The following AHR variants were observed in gnomAD, a reference collection of about 807,000 sequenced individuals.
The protein encoded by AHR is aryl hydrocarbon receptor, also known as AH-receptor.
A neutral mutation model predicts 86.8 loss-of-function variants in AHR; 40 were observed. The observed-to-expected ratio is 0.46, with a 90% CI of 0.36 to 0.60. The LOEUF is 0.60. AHR is among the 20% of genes least tolerant of loss of function. AHR has a pLI of 0.00. For missense variants in AHR, 1,001 were observed against 1,011.6 expected (o/e 0.99, Z 0.14); for synonymous variants, 398 against 354.9 (o/e 1.12, Z -1.37).
At chr7:17,331,002 C>A in intron 6 of AHR, 116 bp downstream of exon 6, 1 of 1,145,178 alleles carries the variant, frequency 8.7e-7, no homozygotes, top group Non-Finnish European at 1.2e-6. Flanking sequence ...TCAGGCAACC[C>A]TCAGAACCAG....
chr7:17,319,380 G>A (rs1008426151), intron 2 of AHR, among the ~76,000 whole-genome samples: 2 of 152,128 alleles, frequency 1.3e-5, no homozygotes, highest in African/African-American at 2.4e-5. Flanking sequence ...CAAAGTGGGC[G>A]GTGGCTAATA....
At chr7:17,321,594 T>TACACACACACACACAC (rs71309046) in intron 2 of AHR, among the ~76,000 whole-genome samples, 11 of 147,728 alleles carry the variant, frequency 7.4e-5, no homozygotes, top group East Asian at 3.9e-4. Flanking sequence ...ACCACACACA[T>TACACACACACACACAC]ACACACACAC....
At chr7:17,324,403 G>A (rs1455589578) in intron 3 of AHR, among the ~76,000 whole-genome samples, 1 of 152,312 alleles carries the variant, frequency 6.6e-6, no homozygotes, top group East Asian at 1.9e-4. Flanking sequence ...TACCACTACA[G>A]TGTGAAAGGT....
chr7:17,329,334 G>A (rs1782261528), intron 4 of AHR, among the ~76,000 whole-genome samples: 2 of 151,834 alleles, frequency 1.3e-5, no homozygotes, highest in South Asian at 4.1e-4. Flanking sequence ...GCACACACCT[G>A]TGACAGATGG....
intron 1 of AHR, among the ~76,000 whole-genome samples, chr7:17,300,108 C>G (rs1393496733): frequency 1.3e-5 from 2 of 152,054 alleles, no homozygotes; most frequent in Admixed American, 6.5e-5. Flanking sequence ...AATTCTTTTC[C>G]CCTTCAAAGT....
chr7:17,337,473 T>C (rs942181329), intron 9 of AHR, among the ~76,000 whole-genome samples: 4 of 151,286 alleles, frequency 2.6e-5, no homozygotes, highest in Non-Finnish European at 2.9e-5. Context: ...TTTACATCTT[T>C]CTGTTTTTTT....
rs369645385 is a variant in AHR, at chr7:17,310,142, A to G, written c.253+19A>G. On this transcript the variant is annotated intron_variant, in intron 2 of 10. Coordinates refer to ENST00000242057, the MANE Select transcript of AHR (RefSeq NM_001621.5). ...TTTGATGGTAAGACAGAAGGGTTTAATTTGTCTACAATAACGTATAAAAAA... is the reference window on the plus strand; with the variant it reads ...TTTGATGGTAAGACAGAAGGGTTTAGTTTGTCTACAATAACGTATAAAAAA... 8 of 1,600,444 alleles carry G rather than the reference A, an allele frequency of 5.0e-6. No individual in the cohort carries two copies. The African/African-American group carries it at 5.4e-5, about 11-fold the overall frequency.
At chr7:17,329,797 G>GTTC in intron 4 of AHR, 155 bp from the exon 5 acceptor site, 1 of 612,096 alleles carries the variant, frequency 1.6e-6, no homozygotes, top group Non-Finnish European at 2.6e-6. Context: ...TCTACCTTAG[G>GTTC]TTCTATCTTA....
Position 17,339,871 on chromosome 7 carries a change from T to C in AHR, c.2046T>C (p.Ser682=). Residue 682 remains serine, a synonymous_variant, in exon 10 of 11, where the codon AGT becomes AGC. Coordinates refer to ENST00000242057, the MANE Select transcript of AHR (RefSeq NM_001621.5). ...TCTTTACAGACTTACATGGGATCAG[T>C]CAAGAGTTCCCCTACAAATCTGAAA... ...YNVFTDLHGI[S]QEFPYKSEMD... 1 of 1,614,184 alleles carries C rather than the reference T, an allele frequency of 6.2e-7. No homozygotes were observed. Among genetic ancestry groups the C allele is most frequent in the Non-Finnish European group, 8.5e-7 (1 of 1,180,018 alleles).
rs1357658781 is a variant in AHR, at chr7:17,345,884, T to TG, written c.*2820_*2821insG. 2 of 152,096 alleles carry TG rather than the reference T, an allele frequency of 1.3e-5. No homozygotes were observed. Among genetic ancestry groups the TG allele is most frequent in the African/African-American group, 2.4e-5 (1 of 41,288 alleles). The allele number at this position is 152,096 out of a possible 1,614,324, so 9.4% of individuals were successfully genotyped here. ...ATCTAAGGATATGGATGTGTCTAAT[T>TG]TAGTCTTTTCCTGTACCAGGTTTTT... On this transcript the variant is annotated 3_prime_UTR_variant, in exon 11 of 11. Transcript: ENST00000242057.
At chr7:17,313,544 C>G (rs1382626577) in intron 2 of AHR, among the ~76,000 whole-genome samples, 1 of 152,084 alleles carries the variant, frequency 6.6e-6, no homozygotes, top group Non-Finnish European at 1.5e-5. Flanking sequence ...GATGGATCTT[C>G]TTAAAGTTTG....
intron 1 of AHR, among the ~76,000 whole-genome samples, chr7:17,302,357 TA>T (rs1208486033): frequency 3.3e-5 from 5 of 152,018 alleles, no homozygotes; most frequent in Admixed American, 3.3e-4. Flanking sequence ...ATATTAATAA[TA>T]TAAAAGCATT....
intron 1 of AHR, among the ~76,000 whole-genome samples, chr7:17,308,776 T>C (rs964974180): frequency 8.5e-5 from 13 of 152,150 alleles, no homozygotes; most frequent in Non-Finnish European, 1.6e-4. Flanking sequence ...TATTTACTTT[T>C]CATCTTCTTT....
chr7:17,300,110 C>T (rs977457797), intron 1 of AHR, among the ~76,000 whole-genome samples: 2 of 152,272 alleles, frequency 1.3e-5, no homozygotes, highest in Admixed American at 1.3e-4. Flanking sequence ...TTCTTTTCCC[C>T]TTCAAAGTTT....
At chr7:17,335,491 T>C (rs1782345459) in intron 8 of AHR, among the ~76,000 whole-genome samples, 154 bp from the exon 9 acceptor site, 1 of 151,946 alleles carries the variant, frequency 6.6e-6, no homozygotes, top group Non-Finnish European at 1.5e-5. Context: ...GAAAAACTAT[T>C]TCCATGCCTT....
chr7:17,304,623 A>G (rs1279537819), intron 1 of AHR, among the ~76,000 whole-genome samples: 2 of 152,148 alleles, frequency 1.3e-5, no homozygotes, highest in Non-Finnish European at 2.9e-5. Context: ...TTTAGATGCC[A>G]CATCTCCATG....
intron 1 of AHR, among the ~76,000 whole-genome samples, chr7:17,308,046 G>A (rs1211895072): frequency 3.9e-5 from 6 of 151,948 alleles, no homozygotes; most frequent in African/African-American, 7.2e-5. Context: ...AGCACTCACC[G>A]CCCTAAAAGT....
chr7:17,314,192 T>A (rs1245333103), intron 2 of AHR, among the ~76,000 whole-genome samples: 1 of 152,132 alleles, frequency 6.6e-6, no homozygotes, highest in Non-Finnish European at 1.5e-5. Context: ...GAGTTTCTGA[T>A]TTCAAAGTCT....
intron 7 of AHR, 65 bp from the exon 8 acceptor site, chr7:17,334,822 C>T (rs531329767): frequency 2.6e-6 from 3 of 1,153,778 alleles, no homozygotes; most frequent in African/African-American, 1.6e-5. Flanking sequence ...ATGAATTTAT[C>T]TTGGTTATTT....
Sources: gnomAD v4.1 joint callset for allele counts (sites outside exome capture counted in the v4.1 genomes callset) on GRCh38, gnomAD v4.1.1 for gene constraint, MANE v1.5 for transcripts, NCBI Gene and HGNC (gene_info 2026-07-23, HGNC 2026-07-21) for gene names.